The following ATXN10 variants were observed in gnomAD, a reference collection of about 807,000 sequenced individuals.
The protein encoded by ATXN10 is ataxin 10.
A neutral mutation model predicts 52.9 loss-of-function variants in ATXN10; 28 were observed. That is an observed-to-expected ratio of 0.53 (90% confidence interval 0.39 to 0.73). ATXN10 has a LOEUF of 0.73. Ranked by LOEUF, ATXN10 falls within the 30% of genes least tolerant of loss-of-function variation. The pLI is 0.00. For synonymous variants in ATXN10, 226 were observed against 221.5 expected (o/e 1.02, Z -0.18); for missense variants, 565 against 577.0 (o/e 0.98, Z 0.21).
At position 45,818,507 on chromosome 22, in the gene ATXN10, C is replaced by G. The variant is rs1334384768; in HGVS notation, c.1237+11485C>G. Among the ~76,000 whole-genome samples, 1 of 152,188 alleles carries G rather than the reference C, an allele frequency of 6.6e-6. No homozygotes were observed. Among genetic ancestry groups the G allele is most frequent in the African/African-American group, 2.4e-5 (1 of 41,446 alleles). On this transcript the variant is annotated intron_variant, in intron 10 of 11. Transcript: ENST00000252934. The surrounding 1 kb of genome is among the most constrained non-coding windows in gnomAD (Gnocchi z 4.6). The stretch of plus-strand genomic sequence containing the variant: ...CTCACATCAGTCAGAAGACGCCAGC[C>G]TGTTGTTTTTCAGAGCGAGGTTCTC...
chr22:45,809,509 G>A (rs1928211410), intron 10 of ATXN10, among the ~76,000 whole-genome samples: 1 of 151,984 alleles, frequency 6.6e-6, no homozygotes, highest in Non-Finnish European at 1.5e-5. Flanking sequence ...CTTTATTGCT[G>A]TTTCTTGATA....
At chr22:45,778,740 A>G (rs920313481) in intron 9 of ATXN10, among the ~76,000 whole-genome samples, 2 of 152,226 alleles carry the variant, frequency 1.3e-5, no homozygotes, top group Admixed American at 6.5e-5. Flanking sequence ...TGAGATTGAC[A>G]AGATTGTTCT....
intron 3 of ATXN10, among the ~76,000 whole-genome samples, chr22:45,695,719 C>G (rs1767818788): frequency 6.6e-6 from 1 of 151,970 alleles, no homozygotes; most frequent in South Asian, 2.1e-4. Context: ...GTCTTGAACT[C>G]CTGACCTCAT....
chr22:45,711,440 A>G (rs1349092839), intron 5 of ATXN10, among the ~76,000 whole-genome samples: 1 of 152,116 alleles, frequency 6.6e-6, no homozygotes. Flanking sequence ...CTCACCTGTG[A>G]GAGGGGATCT....
chr22:45,713,311 A>G (rs1924322460), intron 5 of ATXN10, among the ~76,000 whole-genome samples: 1 of 152,214 alleles, frequency 6.6e-6, no homozygotes, highest in Non-Finnish European at 1.5e-5. Flanking sequence ...GAGAGAAGGA[A>G]AAAGATGAGA....
rs1399120088 is a variant in ATXN10 at position 45,824,730 on chromosome 22, T to C, written c.1237+17708T>C. On this transcript the variant is annotated intron_variant, in intron 10 of 11. Transcript: ENST00000252934. This position sits in a 1 kb window ranked among gnomAD's most constrained non-coding sequence, Gnocchi z 5.2. ...ATAACTGAATTGATAGAGGTTTTTA[T>C]CTATGGACCGAGGTGATGTGATCTA... is the stretch of plus-strand genomic sequence containing the variant. Among the ~76,000 whole-genome samples, 2 of 152,216 alleles carry C rather than the reference T, an allele frequency of 1.3e-5. No individual in the cohort carries two copies. Among genetic ancestry groups the C allele is most frequent in the Non-Finnish European group, 2.9e-5 (2 of 68,040 alleles).
At chr22:45,680,261 T>C (rs907756638) in intron 1 of ATXN10, 1 of 152,204 alleles carries the variant, frequency 6.6e-6, no homozygotes, top group African/African-American at 2.4e-5. Context: ...TGTTAGCGTT[T>C]TCGTTGTTGG....
intron 9 of ATXN10, among the ~76,000 whole-genome samples, chr22:45,779,772 G>A (rs1927081501): frequency 6.6e-6 from 1 of 152,232 alleles, no homozygotes; most frequent in Non-Finnish European, 1.5e-5. Context: ...TGTGGTTTGT[G>A]ATCTAGCAGA....
chr22:45,702,370 T>A (rs760501351), intron 4 of ATXN10, among the ~76,000 whole-genome samples: 2 of 152,194 alleles, frequency 1.3e-5, no homozygotes, highest in Admixed American at 6.5e-5. Context: ...ACCTGTCGAT[T>A]TTTTCTTTCT....
In ATXN10 at chr22:45,840,216, G is replaced by T. The variant is rs570639853; in HGVS notation, c.1238-2775G>T. On this transcript the variant is annotated intron_variant, in intron 10 of 11. Transcript: ENST00000252934. The surrounding 1 kb of genome is among the most constrained non-coding windows in gnomAD (Gnocchi z 5.8). ...AATATGTATTGAACATCCACTTTGTGCTGGGAACGAGACTCGGTGCTAGGA... is the reference window on the plus strand; with the variant it reads ...AATATGTATTGAACATCCACTTTGTTCTGGGAACGAGACTCGGTGCTAGGA... Among the ~76,000 whole-genome samples the T allele has an allele frequency of 1.3e-5, 2 of 152,324 alleles. No individual in the cohort carries two copies. The highest frequency in any genetic ancestry group is 4.8e-5 in the African/African-American group (2 of 41,578).
intron 10 of ATXN10, among the ~76,000 whole-genome samples, chr22:45,817,870 C>T (rs1004385988): frequency 1.3e-5 from 2 of 152,088 alleles, no homozygotes; most frequent in Non-Finnish European, 2.9e-5. Context: ...CCAACTGCCT[C>T]CACTACACAG....
rs1305343754 is a variant in ATXN10, at chr22:45,712,781, C to T, written c.648-5632C>T. ...TATTTTTCTAGTTTAATGCTACTCA[C>T]GTTTAACCCGTTGGAAATGTTATTT... On this transcript the variant is annotated intron_variant, in intron 5 of 11. Transcript: ENST00000252934. This position sits in a 1 kb window ranked among gnomAD's most constrained non-coding sequence, Gnocchi z 4.6. Among the ~76,000 whole-genome samples, 1 of 152,120 alleles carries T rather than the reference C, an allele frequency of 6.6e-6. No individual in the cohort carries two copies. The highest frequency in any genetic ancestry group is 1.5e-5 in the Non-Finnish European group (1 of 68,022).
rs1469481301 is a variant in ATXN10 at position 45,727,313 on chromosome 22, C to CTATATCTATCTATCTA, written c.729-2111_729-2110insATATCTATCTATCTAT. Among the ~76,000 whole-genome samples, 1 of 145,854 alleles carries CTATATCTATCTATCTA rather than the reference C, an allele frequency of 6.9e-6. No individual in the cohort carries two copies. The highest frequency in any genetic ancestry group is 1.5e-5 in the Non-Finnish European group (1 of 66,776). On this transcript the variant is annotated intron_variant, in intron 6 of 11. Coordinates refer to ENST00000252934, the MANE Select transcript of ATXN10 (RefSeq NM_013236.4). The surrounding 1 kb of genome is among the most constrained non-coding windows in gnomAD (Gnocchi z 4.6). ...GAGAAGATACTTGATATAGTTCTGT[C>CTATATCTATCTATCTA]TGTCTGTCTATCTATCTATATCTAT...
intron 6 of ATXN10, among the ~76,000 whole-genome samples, chr22:45,726,264 A>G (rs374278955): frequency 6.6e-6 from 1 of 152,086 alleles, no homozygotes; most frequent in Non-Finnish European, 1.5e-5. Context: ...TGTCTGGTGG[A>G]ATTTGGCCAT....
At chr22:45,697,078 C>T (rs150597579) in intron 3 of ATXN10, among the ~76,000 whole-genome samples, 5 of 152,210 alleles carry the variant, frequency 3.3e-5, no homozygotes, top group South Asian at 2.1e-4. Flanking sequence ...AGTGAACAAT[C>T]GAGTGGCATT....
At position 45,823,862 on chromosome 22, in the gene ATXN10, C is replaced by A. The variant is rs192550448; in HGVS notation, c.1237+16840C>A. On this transcript the variant is annotated intron_variant, in intron 10 of 11. Transcript: ENST00000252934. The surrounding 1 kb of genome is among the most constrained non-coding windows in gnomAD (Gnocchi z 4.9). ...GGTTTCAGTATGGTAGGTGGGCACA[C>A]CCCCTGCTAGGCTTGGGGGCAGGCA... Among the ~76,000 whole-genome samples the A allele has an allele frequency of 7.9e-5, 12 of 152,292 alleles. No homozygotes were observed. The South Asian group carries it at 2.3e-3, about 29-fold the overall frequency.
rs1924549559 is a variant in ATXN10, at chr22:45,718,981, G to T, written c.728+488G>T. Among the ~76,000 whole-genome samples the T allele has an allele frequency of 6.6e-6, 1 of 151,878 alleles. No homozygotes were observed. The highest frequency in any genetic ancestry group is 2.1e-4 in the South Asian group (1 of 4,814). On this transcript the variant is annotated intron_variant, in intron 6 of 11. Coordinates refer to ENST00000252934, the MANE Select transcript of ATXN10 (RefSeq NM_013236.4). The surrounding 1 kb of genome is among the most constrained non-coding windows in gnomAD (Gnocchi z 4.4). ...AGTGACCTAGGAGTTCTAAGACACTGGCCCTGTGCTTTGCTGTGATTATAG... is the reference window on the plus strand; with the variant it reads ...AGTGACCTAGGAGTTCTAAGACACTTGCCCTGTGCTTTGCTGTGATTATAG...
chr22:45,699,330 G>C (rs985627222), intron 3 of ATXN10, among the ~76,000 whole-genome samples: 3 of 151,968 alleles, frequency 2.0e-5, no homozygotes, highest in African/African-American at 7.3e-5. Context: ...ATTGTGTTCT[G>C]ATCCTGAGCA....
chr22:45,735,040 G>A (rs997623410), intron 7 of ATXN10, among the ~76,000 whole-genome samples: 4 of 151,670 alleles, frequency 2.6e-5, no homozygotes, highest in Admixed American at 1.3e-4. Flanking sequence ...CACCATGTCC[G>A]GCTAATTTTT....
Sources: allele counts gnomAD v4.1 joint callset (sites outside exome capture counted in the v4.1 genomes callset), GRCh38; gene constraint gnomAD v4.1.1; non-coding constraint Gnocchi (gnomAD v3.1); transcripts MANE v1.5; gene names NCBI Gene and HGNC (gene_info 2026-07-23, HGNC 2026-07-21).